Variants in XXYLT1 observed in about 807,000 individuals in gnomAD.
XXYLT1 encodes UDP-xylose:alpha-xyloside alpha-1,3-xylosyltransferase.
XXYLT1 carries 20 observed loss-of-function variants against 28.9 expected under a neutral mutation model. That is an observed-to-expected ratio of 0.69 (90% CI 0.49 to 1.00). The LOEUF (loss-of-function observed/expected upper bound fraction) is 1.00. Among genes scored for constraint, XXYLT1 ranks in the 50% least tolerant of loss-of-function variants. The pLI, the probability that XXYLT1 is intolerant of heterozygous loss-of-function variation, is 0.00. For synonymous variants in XXYLT1, 257 were observed against 253.8 expected (o/e 1.01, Z -0.12); for missense variants, 542 against 560.1 (o/e 0.97, Z 0.33).
intron 2 of XXYLT1, among the ~76,000 whole-genome samples, chr3:195,185,087 AAGG>A (rs796640952): frequency 0.096 from 5,238 of 54,490 alleles, 249 homozygotes; most frequent in East Asian, 0.23. Context: ...AAGAAGGAAG[AAGG>A]AAGGAAGGAA....
chr3:195,269,417 A>C (rs986566178), intron 1 of XXYLT1, among the ~76,000 whole-genome samples: 1 of 152,256 alleles, frequency 6.6e-6, no homozygotes, highest in Non-Finnish European at 1.5e-5. Flanking sequence ...AAGAATGGCC[A>C]AGGGCCCAAG....
chr3:195,198,399 G>A (rs1457604377), intron 2 of XXYLT1, among the ~76,000 whole-genome samples: 7 of 152,154 alleles, frequency 4.6e-5, no homozygotes, highest in African/African-American at 9.7e-5. Flanking sequence ...ACTTCATCCC[G>A]GAAGGCCAGG....
intron 1 of XXYLT1, among the ~76,000 whole-genome samples, chr3:195,264,305 G>T (rs1725776388): frequency 6.6e-6 from 1 of 152,286 alleles, no homozygotes; most frequent in African/African-American, 2.4e-5. Flanking sequence ...GAGACAGAGA[G>T]ACTACAAACA....
chr3:195,132,763 A>G (rs987929295), intron 3 of XXYLT1, among the ~76,000 whole-genome samples: 1 of 152,258 alleles, frequency 6.6e-6, no homozygotes, highest in African/African-American at 2.4e-5. Context: ...AGCAGACCGT[A>G]GTGAAGCAGG....
chr3:195,249,099 GC>G (rs1180783045), intron 1 of XXYLT1, among the ~76,000 whole-genome samples: 1 of 152,186 alleles, frequency 6.6e-6, no homozygotes, highest in Admixed American at 6.5e-5. Flanking sequence ...AATTGTAGAT[GC>G]CCTATTCACA....
At chr3:195,228,929 G>C (rs149771311) in intron 1 of XXYLT1, among the ~76,000 whole-genome samples, 9,290 of 151,000 alleles carry the variant, frequency 0.062, 972 homozygotes, top group African/African-American at 0.21. Flanking sequence ...TCTCCTGCCT[G>C]AGCCTCCCAA....
At chr3:195,122,050 G>A in intron 3 of XXYLT1, 1 of 703,022 alleles carries the variant, frequency 1.4e-6, no homozygotes, top group South Asian at 1.5e-5. Flanking sequence ...GGAAGTCCAA[G>A]ACCAACGTGC....
At chr3:195,184,657 C>A in intron 2 of XXYLT1, 1 of 985,400 alleles carries the variant, frequency 1.0e-6, no homozygotes, top group Non-Finnish European at 1.2e-6. Flanking sequence ...CTCTTCAGGA[C>A]TCACCGGAGA....
At chr3:195,246,199 T>G (rs1035234075) in intron 1 of XXYLT1, among the ~76,000 whole-genome samples, 2 of 152,220 alleles carry the variant, frequency 1.3e-5, no homozygotes, top group Non-Finnish European at 2.9e-5. Flanking sequence ...AATTTGCTTT[T>G]GACTCAGGCG....
intron 3 of XXYLT1, among the ~76,000 whole-genome samples, chr3:195,088,620 T>TC (rs1191322460): frequency 5.5e-4 from 70 of 127,704 alleles, no homozygotes; most frequent in Middle Eastern, 3.8e-3. Context: ...GCAGAGCACC[T>TC]CTCCTCCTCC....
At chr3:195,268,192 G>A (rs189706971) in intron 1 of XXYLT1, among the ~76,000 whole-genome samples, 22 of 152,254 alleles carry the variant, frequency 1.4e-4, no homozygotes, top group African/African-American at 4.6e-4. Context: ...CACTTTGAGA[G>A]GCCAAGGTGG....
intron 3 of XXYLT1, among the ~76,000 whole-genome samples, chr3:195,153,580 T>C (rs1271126989): frequency 6.6e-6 from 1 of 152,192 alleles, no homozygotes; most frequent in Non-Finnish European, 1.5e-5. Context: ...TAATGAAAAT[T>C]AAAGATGCTC....
In XXYLT1 at chr3:195,090,966, G is replaced by C. The variant is rs183725907; in HGVS notation, c.786-20855C>G. On this transcript the variant is annotated intron_variant, in intron 3 of 3. Coordinates refer to ENST00000310380, the MANE Select transcript of XXYLT1 (RefSeq NM_152531.5). ...TTCCTCGACGTATACACTCTCCCAA[G>C]ACTAAACCAGGAAGAAGTTGAATCT... Among the ~76,000 whole-genome samples, 48 of 151,762 alleles carry C rather than the reference G, an allele frequency of 3.2e-4. 1 individual carries two copies. The highest frequency in any genetic ancestry group is 2.9e-3 in the East Asian group (15 of 5,178).
rs920902040 is a variant in XXYLT1 at position 195,150,111 on chromosome 3, T to C, written c.785+6338A>G. On this transcript the variant is annotated intron_variant, in intron 3 of 3. Transcript: ENST00000310380. This position sits in a 1 kb window ranked among gnomAD's most constrained non-coding sequence, Gnocchi z 4.7. ...GTGACTTCCCTAGGTTCACAGAACTTATCAGTGGCCAAGCTGGGACTGTGG... is the reference window on the plus strand; with the variant it reads ...GTGACTTCCCTAGGTTCACAGAACTCATCAGTGGCCAAGCTGGGACTGTGG... 6.6e-6 allele frequency among the ~76,000 whole-genome samples: 1 copy of C among 152,182 alleles called. No individual in the cohort carries two copies. The highest frequency in any genetic ancestry group is 6.5e-5 in the Admixed American group (1 of 15,282).
chr3:195,159,598 A>G (rs1209120955), intron 2 of XXYLT1, among the ~76,000 whole-genome samples: 1 of 152,240 alleles, frequency 6.6e-6, no homozygotes, highest in Non-Finnish European at 1.5e-5. Context: ...ACAAGTGAGT[A>G]CAAGCTAAAG....
In XXYLT1 at chr3:195,195,708, C is replaced by T. The variant is rs1027376428; in HGVS notation, c.652+31001G>A. Among the ~76,000 whole-genome samples, 5 of 152,268 alleles carry T rather than the reference C, an allele frequency of 3.3e-5. No homozygotes were observed. Among genetic ancestry groups the T allele is most frequent in the African/African-American group, 1.2e-4 (5 of 41,540 alleles). Reference sequence around the variant, plus strand: ...ATTCATACAGCTCTCAGGAACAGCTCGGAGGGCCCGGGCAGTGCCGTGCTG... The same window carrying T: ...ATTCATACAGCTCTCAGGAACAGCTTGGAGGGCCCGGGCAGTGCCGTGCTG... On this transcript the variant is annotated intron_variant, in intron 2 of 3. Transcript: ENST00000310380. This position sits in a 1 kb window ranked among gnomAD's most constrained non-coding sequence, Gnocchi z 4.4.
Position 195,168,763 on chromosome 3 carries a change from C to CA in XXYLT1, c.653-12183dup, listed in dbSNP as rs1721252679. 6.6e-6 allele frequency among the ~76,000 whole-genome samples: 1 copy of CA among 152,236 alleles called. No homozygotes were observed. The highest frequency in any genetic ancestry group is 1.5e-5 in the Non-Finnish European group (1 of 68,036). ...GCCCCTGGAATATTTGAAAGGCCCT[C>CA]ACTTTCTATTTTGCAAATGTTGAAA... On this transcript the variant is annotated intron_variant, in intron 2 of 3. Coordinates refer to ENST00000310380, the MANE Select transcript of XXYLT1 (RefSeq NM_152531.5). This position sits in a 1 kb window ranked among gnomAD's most constrained non-coding sequence, Gnocchi z 4.3.
At chr3:195,139,430 C>A (rs1348920032) in intron 3 of XXYLT1, among the ~76,000 whole-genome samples, 1 of 152,188 alleles carries the variant, frequency 6.6e-6, no homozygotes, top group Non-Finnish European at 1.5e-5. Context: ...CTGCTGCTTA[C>A]GGATCTCTCA....
Position 195,129,436 on chromosome 3 carries a change from G to A in XXYLT1, c.785+27013C>T, listed in dbSNP as rs887424826. On this transcript the variant is annotated intron_variant, in intron 3 of 3. Transcript: ENST00000310380. This position sits in a 1 kb window ranked among gnomAD's most constrained non-coding sequence, Gnocchi z 4.4. ...CCTGGACCACCTGCCCCAGCCCCAAGCAACCATTTTTGCCTCTTCTGGATA... is the reference window on the plus strand; with the variant it reads ...CCTGGACCACCTGCCCCAGCCCCAAACAACCATTTTTGCCTCTTCTGGATA... Among the ~76,000 whole-genome samples, 5 of 152,098 alleles carry A rather than the reference G, an allele frequency of 3.3e-5. No homozygotes were observed. The highest frequency in any genetic ancestry group is 6.5e-5 in the Admixed American group (1 of 15,270).
Sources: allele counts gnomAD v4.1 joint callset (sites outside exome capture counted in the v4.1 genomes callset), GRCh38; gene constraint gnomAD v4.1.1; non-coding constraint Gnocchi (gnomAD v3.1); transcripts MANE v1.5; gene names NCBI Gene and HGNC (gene_info 2026-07-23, HGNC 2026-07-21).